MANEA: variants seen among roughly 807,000 people sequenced by gnomAD.
The protein encoded by MANEA is mannosidase endo-alpha, also known as glycoprotein endo-alpha-1,2-mannosidase.
In MANEA, 25 loss-of-function variants were observed where a neutral mutation model predicts 36.8. The ratio of observed to expected loss-of-function variants is 0.68; its 90% CI spans 0.50 to 0.95. The LOEUF (loss-of-function observed/expected upper bound fraction) is 0.95, where lower values mean the gene tolerates loss of function less well. Ranked by LOEUF, MANEA falls within the 40% of genes least tolerant of loss-of-function variation. The pLI is 0.00. For synonymous variants in MANEA, 198 were observed against 188.5 expected, an observed-to-expected ratio of 1.05 and a Z score of -0.41; for missense variants, 565 against 558.8, an observed-to-expected ratio of 1.01 and a Z score of -0.11.
At chr6:95,591,704 T>C (rs1053875632) in intron 2 of MANEA, among the ~76,000 whole-genome samples, 8 of 152,118 alleles carry the variant, frequency 5.3e-5, no homozygotes, top group Non-Finnish European at 1.0e-4. Context: ...GTGATTATTG[T>C]TATTGTTTTA....
chr6:95,605,522 A>G (rs1275484505), intron 4 of MANEA, among the ~76,000 whole-genome samples: 1 of 152,156 alleles, frequency 6.6e-6, no homozygotes, highest in Non-Finnish European at 1.5e-5. Context: ...GTAAACCTCA[A>G]TATGAGATGG....
At chr6:95,594,470 G>A (rs1562198471) in intron 2 of MANEA, among the ~76,000 whole-genome samples, 1 of 152,158 alleles carries the variant, frequency 6.6e-6, no homozygotes, top group Non-Finnish European at 1.5e-5. Context: ...TTAAAGGTAA[G>A]TGCTTTTTAT....
At chr6:95,597,757 T>G (rs1769507690) in intron 3 of MANEA, among the ~76,000 whole-genome samples, 1 of 152,004 alleles carries the variant, frequency 6.6e-6, no homozygotes, top group African/African-American at 2.4e-5. Flanking sequence ...ACCTAAATAA[T>G]AAGACATAGT....
intron 1 of MANEA, among the ~76,000 whole-genome samples, chr6:95,581,302 A>G (rs1475706581): frequency 6.6e-6 from 1 of 152,204 alleles, no homozygotes; most frequent in Non-Finnish European, 1.5e-5. Context: ...TGTGTCATCT[A>G]TAATGATGTG....
intron 2 of MANEA, among the ~76,000 whole-genome samples, chr6:95,595,811 G>T (rs1257140064): frequency 6.6e-6 from 1 of 152,056 alleles, no homozygotes; most frequent in East Asian, 1.9e-4. Context: ...TCAAAAATAA[G>T]TAGGCAGGCA....
intron 1 of MANEA, among the ~76,000 whole-genome samples, chr6:95,582,333 A>G (rs1174233321): frequency 1.3e-5 from 2 of 151,668 alleles, no homozygotes; most frequent in East Asian, 1.9e-4. Context: ...ACAGGTGCCC[A>G]CCACCATGCC....
intron 1 of MANEA, among the ~76,000 whole-genome samples, chr6:95,578,619 T>A (rs2127936121): frequency 6.6e-6 from 1 of 152,234 alleles, no homozygotes; most frequent in East Asian, 1.9e-4. Flanking sequence ...TTGTGGATTT[T>A]CAGGCTCAAT....
chr6:95,591,125 A>G (rs13192906), intron 2 of MANEA, among the ~76,000 whole-genome samples: 8,813 of 152,302 alleles, frequency 0.058, 325 homozygotes, highest in Non-Finnish European at 0.081. Context: ...TGTTTTTCAC[A>G]GTGATTAAAA....
At chr6:95,596,701 T>C (rs779479851) in intron 2 of MANEA, 36 bp from the exon 3 acceptor site, 17 of 1,112,040 alleles carry the variant, frequency 1.5e-5, no homozygotes, top group Non-Finnish European at 2.2e-5. Context: ...ATTCATGTTC[T>C]TGTCTTTTCC....
At chr6:95,602,604 T>G (rs1035656305) in intron 3 of MANEA, among the ~76,000 whole-genome samples, 3 of 152,328 alleles carry the variant, frequency 2.0e-5, no homozygotes, top group Admixed American at 1.3e-4. Flanking sequence ...TCTTTAAAGA[T>G]AAGAAAGACA....
chr6:95,578,040 C>T (rs1769104264), intron 1 of MANEA, among the ~76,000 whole-genome samples: 1 of 152,184 alleles, frequency 6.6e-6, no homozygotes, highest in South Asian at 2.1e-4. Flanking sequence ...CTTGTGCCCC[C>T]AGACTGCCTC....
intron 1 of MANEA, among the ~76,000 whole-genome samples, chr6:95,583,361 A>G (rs948986879): frequency 8.6e-5 from 13 of 152,032 alleles, no homozygotes; most frequent in East Asian, 5.8e-4. Flanking sequence ...CTAAATATAT[A>G]TGACATGTAT....
intron 2 of MANEA, among the ~76,000 whole-genome samples, chr6:95,589,489 TGGC>T (rs1454613538): frequency 1.3e-5 from 2 of 152,184 alleles, no homozygotes; most frequent in East Asian, 3.8e-4. Context: ...TAAATCCTAA[TGGC>T]TCAACCCTTC....
At chr6:95,591,861 G>A (rs1026707959) in intron 2 of MANEA, among the ~76,000 whole-genome samples, 7 of 151,940 alleles carry the variant, frequency 4.6e-5, no homozygotes, top group East Asian at 1.9e-4. Context: ...GCTCCACCAC[G>A]CGTAGCTAAT....
At position 95,605,891 on chromosome 6, in the gene MANEA, A is replaced by T; in HGVS notation, c.875A>T (p.Asn292Ile). 1 of 1,614,080 alleles carries T rather than the reference A, an allele frequency of 6.2e-7. No individual in the cohort carries two copies. Among genetic ancestry groups the T allele is most frequent in the Non-Finnish European group, 8.5e-7 (1 of 1,179,986 alleles). Residue 292 changes from asparagine (N) to isoleucine (I), a missense_variant, in exon 5 of 5, where the codon AAT becomes ATT. Transcript: ENST00000358812. ...LTTSGSRSIR[N>I]SPYDGLFIAL... ...ACCTCAGGGTCTCGGAGTATTCGCA[A>T]TTCTCCTTATGATGGACTGTTTATT...
At chr6:95,605,404 C>A (rs554611984) in intron 4 of MANEA, among the ~76,000 whole-genome samples, 1 of 152,064 alleles carries the variant, frequency 6.6e-6, no homozygotes, top group East Asian at 1.9e-4. Flanking sequence ...AACTTGTCAG[C>A]AACAGTAGAA....
At chr6:95,585,150 A>G (rs912220466) in intron 1 of MANEA, among the ~76,000 whole-genome samples, 48 of 152,034 alleles carry the variant, frequency 3.2e-4, no homozygotes, top group Non-Finnish European at 5.0e-4. Flanking sequence ...ATATATATAT[A>G]TACACACACA....
At chr6:95,584,800 C>G (rs118128405) in intron 1 of MANEA, among the ~76,000 whole-genome samples, 4,022 of 152,242 alleles carry the variant, frequency 0.026, 110 homozygotes, top group East Asian at 0.088. Flanking sequence ...GGTGGCCCAA[C>G]TGTAAAATTC....
rs1435510079 is a variant in MANEA, at chr6:95,607,923, A to G, written c.*1518A>G. ...TAGCACTAAATTTTTTATAAAATAG[A>G]CCAGATGACAAAATTTATTTTATTT... On this transcript the variant is annotated 3_prime_UTR_variant, in exon 5 of 5. Coordinates refer to ENST00000358812, the MANE Select transcript of MANEA (RefSeq NM_024641.4). 6.6e-6 allele frequency: 1 copy of G among 151,762 alleles called. No homozygotes were observed. The highest frequency in any genetic ancestry group is 1.9e-4 in the East Asian group (1 of 5,190). 9.4% of individuals were successfully genotyped at this position (151,762 alleles called of 1,614,324 possible).
Sources: gnomAD v4.1 joint callset for allele counts (sites outside exome capture counted in the v4.1 genomes callset) on GRCh38, gnomAD v4.1.1 for gene constraint, MANE v1.5 for transcripts, NCBI Gene and HGNC (gene_info 2026-07-23, HGNC 2026-07-21) for gene names.